CPT2: variants seen among roughly 807,000 people sequenced by gnomAD.
CPT2 encodes carnitine O-palmitoyltransferase 2, mitochondrial.
A neutral mutation model predicts 48.6 loss-of-function variants in CPT2; 37 were observed. That is an observed-to-expected ratio of 0.76 (90% CI 0.59 to 1.00). CPT2 has a LOEUF of 1.00. Ranked by LOEUF, CPT2 falls within the 50% of genes least tolerant of loss-of-function variation. CPT2 has a pLI of 0.00. For missense variants in CPT2, 772 were observed against 825.6 expected (o/e 0.94, Z 0.80); for synonymous variants, 319 against 326.9 (o/e 0.98, Z 0.26).
Position 53,211,161 on chromosome 1 carries a change from A to G in CPT2, c.1487A>G (p.His496Arg). Residue 496 changes from histidine to arginine, a missense_variant, in exon 4 of 5, where the codon CAC becomes CGC. Coordinates refer to ENST00000371486, the MANE Select transcript of CPT2 (RefSeq NM_000098.3). ...YESCSTAAFK[H>R]GRTETIRPAS... ...TCCTGTAGCACTGCCGCATTCAAGC[A>G]CGGCCGCACTGAGACCATCCGCCCG... 1.9e-6 allele frequency: 3 copies of G among 1,611,722 alleles called. No individual in the cohort carries two copies. Among genetic ancestry groups the G allele is most frequent in the Non-Finnish European group, 2.5e-6 (3 of 1,178,276 alleles).
intron 4 of CPT2, chr1:53,212,695 A>C (rs948204916): frequency 5.0e-6 from 2 of 403,586 alleles, no homozygotes; most frequent in Admixed American, 8.5e-5. Context: ...CTGGAGGGTC[A>C]TAGTTGTCCT....
At chr1:53,207,825 G>C (rs1645397936) in intron 3 of CPT2, 1 of 152,140 alleles carries the variant, frequency 6.6e-6, no homozygotes, top group Admixed American at 6.6e-5. Context: ...GGGAATCTCA[G>C]GTTGTGGTAG....
intron 4 of CPT2, chr1:53,212,907 A>C: frequency 2.1e-6 from 1 of 485,858 alleles, no homozygotes; most frequent in Non-Finnish European, 3.6e-6. Context: ...CTTGAATCAG[A>C]CTTTTAGTTT....
At chr1:53,212,342 C>T (rs964245043) in intron 4 of CPT2, among the ~76,000 whole-genome samples, 1 of 152,134 alleles carries the variant, frequency 6.6e-6, no homozygotes, top group Non-Finnish European at 1.5e-5. Context: ...GGATTATAGG[C>T]GTAAGCCACC....
intron 1 of CPT2, among the ~76,000 whole-genome samples, chr1:53,197,993 C>A (rs1161433666): frequency 6.6e-6 from 1 of 152,134 alleles, no homozygotes; most frequent in Non-Finnish European, 1.5e-5. Flanking sequence ...CCTAGTAAAT[C>A]CTCTTCCCCT....
intron 4 of CPT2, among the ~76,000 whole-genome samples, chr1:53,212,239 A>G (rs1255948531): frequency 6.6e-6 from 1 of 151,298 alleles, no homozygotes; most frequent in Non-Finnish European, 1.5e-5. Flanking sequence ...TAATTTTTAT[A>G]TTTTCAATAG....
At position 53,210,052 on chromosome 1, in the gene CPT2, C is replaced by A. The variant is rs780743357; in HGVS notation, c.378C>A (p.Ser126=). The A allele has an allele frequency of 1.2e-6, 2 of 1,613,870 alleles. No homozygotes were observed. The highest frequency in any genetic ancestry group is 1.7e-5 in the Admixed American group (1 of 59,978). The part of the protein sequence containing the change: ...WFDMYLSARD[S]VVLNFNPFMA... ...ATATGTACCTATCTGCTCGAGACTC[C>A]GTTGTTCTGAACTTTAATCCATTTA... Residue 126 remains serine, a synonymous_variant, in exon 4 of 5, where the codon TCC becomes TCA. Coordinates refer to ENST00000371486, the MANE Select transcript of CPT2 (RefSeq NM_000098.3).
intron 4 of CPT2, among the ~76,000 whole-genome samples, chr1:53,212,265 A>G (rs1240486140): frequency 1.3e-5 from 2 of 151,854 alleles, no homozygotes; most frequent in East Asian, 2.0e-4. Context: ...GGGTTTCACT[A>G]TGTTGGCCAG....
intron 1 of CPT2, chr1:53,197,356 C>T (rs1645330159): frequency 1.8e-6 from 1 of 558,248 alleles, no homozygotes; most frequent in South Asian, 2.0e-5. Flanking sequence ...CAGATTCCCT[C>T]TCCTTTAACC....
chr1:53,211,420 T>C, intron 4 of CPT2, 101 bp downstream of exon 4: 3 of 1,270,174 alleles, frequency 2.4e-6, no homozygotes, highest in Admixed American at 2.0e-5. Context: ...ACCCGTTCAC[T>C]AGGTTTAATC....
rs773628654 is a variant in CPT2 at position 53,210,559 on chromosome 1, C to G, written c.885C>G (p.Asn295Lys). 1 of 1,614,178 alleles carries G rather than the reference C, an allele frequency of 6.2e-7. No individual in the cohort carries two copies. The highest frequency in any genetic ancestry group is 8.5e-7 in the Non-Finnish European group (1 of 1,180,044). The change falls in exon 4 of 5, where the codon AAC (asparagine) becomes AAG (lysine). Residue 295 changes from asparagine (N) to lysine (K), a missense_variant. Coordinates refer to ENST00000371486, the MANE Select transcript of CPT2 (RefSeq NM_000098.3). ...EFPLAYLTSE[N>K]RDIWAELRQK... The stretch of plus-strand genomic sequence containing the variant: ...CCCTGGCATACCTGACCAGTGAGAA[C>G]CGAGACATCTGGGCAGAGCTCAGGC...
Position 53,196,855 on chromosome 1 carries a change from T to G in CPT2, c.-89T>G, listed in dbSNP as rs1248493055. ...GTGCCTCAGGAGTCCTGACGCAGTG[T>G]CTTGGGCGCTAACGGCGGCGGCGGC... On this transcript the variant is annotated 5_prime_UTR_variant, in exon 1 of 5. Coordinates refer to ENST00000371486, the MANE Select transcript of CPT2 (RefSeq NM_000098.3). 6 of 1,488,112 alleles carry G rather than the reference T, an allele frequency of 4.0e-6. No individual in the cohort carries two copies. The highest frequency in any genetic ancestry group is 4.5e-6 in the Non-Finnish European group (5 of 1,110,598). 92.2% of individuals were successfully genotyped at this position (1,488,112 alleles called of 1,614,324 possible).
At chr1:53,198,713 AT>A (rs1645338460) in intron 1 of CPT2, among the ~76,000 whole-genome samples, 1 of 152,180 alleles carries the variant, frequency 6.6e-6, no homozygotes, top group Non-Finnish European at 1.5e-5. Flanking sequence ...AATATTCAAG[AT>A]TATTTATTCC....
At chr1:53,209,261 G>C (rs1010436989) in intron 3 of CPT2, 2 of 152,204 alleles carry the variant, frequency 1.3e-5, no homozygotes, top group Admixed American at 6.6e-5. Flanking sequence ...TTGGGAGGCT[G>C]AGGTGGGAGG....
chr1:53,208,320 C>G (rs942754085), intron 3 of CPT2: 1 of 152,200 alleles, frequency 6.6e-6, no homozygotes, highest in Admixed American at 6.5e-5. Flanking sequence ...AAATGAGTAA[C>G]AGAGAAATCT....
At chr1:53,206,983 G>A (rs560072458) in intron 3 of CPT2, among the ~76,000 whole-genome samples, 18 of 152,342 alleles carry the variant, frequency 1.2e-4, no homozygotes, top group African/African-American at 4.3e-4. Flanking sequence ...ATCCCCAAGT[G>A]TCAAGGGAGG....
intron 4 of CPT2, among the ~76,000 whole-genome samples, chr1:53,212,354 T>C (rs986162147): frequency 6.6e-6 from 1 of 152,190 alleles, no homozygotes; most frequent in East Asian, 1.9e-4. Context: ...TAAGCCACCA[T>C]GCCGGGCCTA....
In CPT2 at chr1:53,213,657, G is replaced by C. The variant is rs672; in HGVS notation, c.*62G>C. 6.9e-7 allele frequency: 1 copy of C among 1,446,996 alleles called. No individual in the cohort carries two copies. The highest frequency in any genetic ancestry group is 9.5e-7 in the Non-Finnish European group (1 of 1,050,000). The allele number at this position is 1,446,996 out of a possible 1,614,324, so 89.6% of individuals were successfully genotyped here. A position where few individuals can be genotyped will look rare whatever the true frequency, so the allele number is the denominator to read the frequency against. On this transcript the variant is annotated 3_prime_UTR_variant, in exon 5 of 5. Transcript: ENST00000371486. ...TCATGAAAACTGGGAGGCCGGGCAT[G>C]GTGGCTCATGCCTGTAATCCCAGCA...
intron 2 of CPT2, 161 bp downstream of exon 2, chr1:53,200,960 C>A: frequency 1.4e-6 from 1 of 697,246 alleles, no homozygotes; most frequent in Non-Finnish European, 2.6e-6. Context: ...GATTTTCATT[C>A]ATGAAGGACT....
Sources: gnomAD v4.1 joint callset for allele counts (sites outside exome capture counted in the v4.1 genomes callset) on GRCh38, gnomAD v4.1.1 for gene constraint, MANE v1.5 for transcripts, NCBI Gene and HGNC (gene_info 2026-07-23, HGNC 2026-07-21) for gene names.